Variants in IL7 observed in about 807,000 individuals in gnomAD.
IL7 encodes the protein interleukin-7.
A neutral mutation model predicts 21.6 loss-of-function variants in IL7; 3 were observed. That is an observed-to-expected ratio of 0.14 (90% CI 0.06 to 0.36). The LOEUF (loss-of-function observed/expected upper bound fraction) is 0.36, where lower values mean the gene tolerates loss of function less well. Among genes scored for constraint, IL7 ranks in the 10% least tolerant of loss-of-function variants. IL7 has a pLI of 1.00. For missense variants in IL7, 175 were observed against 200.2 expected (o/e 0.87, Z 0.76); for synonymous variants, 62 against 68.1 (o/e 0.91, Z 0.44).
chr8:78,711,995 T>A, intron 3 of IL7: 1 of 1,289,372 alleles, frequency 7.8e-7, no homozygotes, highest in South Asian at 1.2e-5. Context: ...AATAGTAATA[T>A]GGACAAGTTA....
At chr8:78,779,251 T>C (rs143611100) in intron 2 of IL7, among the ~76,000 whole-genome samples, 2,858 of 152,326 alleles carry the variant, frequency 0.019, 27 homozygotes, top group Middle Eastern at 0.024. Flanking sequence ...CTGATTGCCC[T>C]GGCCAGAACT....
In IL7 at chr8:78,783,799, G is replaced by A. The variant is rs1023299200; in HGVS notation, c.147+14273C>T. Among the ~76,000 whole-genome samples, 3 of 152,162 alleles carry A rather than the reference G, an allele frequency of 2.0e-5. No homozygotes were observed. The South Asian group carries it at 6.2e-4, about 31-fold the overall frequency. The stretch of plus-strand genomic sequence containing the variant: ...GAAGATTCTAGTGAGCTGAAGTGGG[G>A]TGGTAACAGGCAGATCAAAGATAAA... On this transcript the variant is annotated intron_variant, in intron 2 of 5. Transcript: ENST00000263851.
chr8:78,704,806 T>C (rs1177154036), intron 3 of IL7, among the ~76,000 whole-genome samples: 2 of 152,196 alleles, frequency 1.3e-5, no homozygotes, highest in Non-Finnish European at 2.9e-5. Context: ...TTTTCATCCT[T>C]TTTTTCTCTA....
In IL7 at chr8:78,733,389, T is replaced by C. The variant is rs1309461642; in HGVS notation, c.*324A>G. ...TTATATACTTCATAGATTTAATGTC[T>C]TGAAATATTTAAACAGGTTTGAGAA... On this transcript the variant is annotated 3_prime_UTR_variant, in exon 6 of 6. Transcript: ENST00000263851. 1 of 202,824 alleles carries C rather than the reference T, an allele frequency of 4.9e-6. No homozygotes were observed. Among genetic ancestry groups the C allele is most frequent in the Non-Finnish European group, 9.8e-6 (1 of 101,832 alleles). The allele number at this position is 202,824 out of a possible 1,614,324, so 12.6% of individuals were successfully genotyped here. A position where few individuals can be genotyped will look rare whatever the true frequency, so the allele number is the denominator to read the frequency against.
chr8:78,702,197 G>A (rs565618783), intron 3 of IL7, among the ~76,000 whole-genome samples: 2 of 152,146 alleles, frequency 1.3e-5, no homozygotes, highest in East Asian at 1.9e-4. Flanking sequence ...GTTCAGTCTT[G>A]GGAGGGTGTA....
chr8:78,722,440 C>A (rs1229105701), intron 3 of IL7, among the ~76,000 whole-genome samples: 1 of 151,820 alleles, frequency 6.6e-6, no homozygotes, highest in Non-Finnish European at 1.5e-5. Context: ...TTATTTTGCA[C>A]ATTTTAAAAA....
chr8:78,710,151 C>T (rs944425553), intron 3 of IL7, among the ~76,000 whole-genome samples: 8 of 152,056 alleles, frequency 5.3e-5, no homozygotes, highest in African/African-American at 1.9e-4. Context: ...TGTATAAAAT[C>T]TTGATTGTTA....
chr8:78,802,288 C>T (rs1181582693), intron 1 of IL7, among the ~76,000 whole-genome samples: 1 of 152,164 alleles, frequency 6.6e-6, no homozygotes. Context: ...ATGTCCATTG[C>T]ATAGACCTAT....
intron 2 of IL7, among the ~76,000 whole-genome samples, chr8:78,783,234 G>A (rs903367647): frequency 2.6e-5 from 4 of 152,152 alleles, no homozygotes; most frequent in African/African-American, 4.8e-5. Context: ...GGCCCTTTTG[G>A]TGTGGGCTTA....
chr8:78,804,089 T>C (rs1458328869), intron 1 of IL7, among the ~76,000 whole-genome samples: 3 of 152,160 alleles, frequency 2.0e-5, no homozygotes, highest in Middle Eastern at 3.2e-3. Context: ...GTAAGTTTTT[T>C]GGCTCTTTCA....
At chr8:78,796,354 T>C (rs1342763358) in intron 2 of IL7, among the ~76,000 whole-genome samples, 1 of 152,020 alleles carries the variant, frequency 6.6e-6, no homozygotes, top group African/African-American at 2.4e-5. Context: ...GGTATAAGTC[T>C]AATAAAATAT....
At chr8:78,723,092 A>AATAT (rs71264200) in intron 3 of IL7, among the ~76,000 whole-genome samples, 2,793 of 140,452 alleles carry the variant, frequency 0.02, 76 homozygotes, top group African/African-American at 0.059. Context: ...TAGAAGTACA[A>AATAT]ATATATATAT....
chr8:78,693,321 T>G (rs1810280006), intron 3 of IL7, among the ~76,000 whole-genome samples: 1 of 151,276 alleles, frequency 6.6e-6, no homozygotes, highest in South Asian at 2.1e-4. Flanking sequence ...ACTTCCACAA[T>G]GGTTGAACTA....
rs143423397 is a variant in IL7, at chr8:78,695,660, A to C, written n.215-9713T>G. Among the ~76,000 whole-genome samples, 425 of 152,172 alleles carry C rather than the reference A, an allele frequency of 2.8e-3. 1 individual carries two copies. The East Asian group carries it at 0.029, about 10-fold the overall frequency. ...CTAATGTCTGTCTTTCTCTCTCTATATATATATAGTGGCCCAGATGCCCTT... is the reference window on the plus strand; with the variant it reads ...CTAATGTCTGTCTTTCTCTCTCTATCTATATATAGTGGCCCAGATGCCCTT... On this transcript the variant is annotated intron_variant and non_coding_transcript_variant, in intron 3 of 4. Transcript: ENST00000523959.
At chr8:78,754,387 G>C (rs1812277873) in intron 2 of IL7, among the ~76,000 whole-genome samples, 1 of 152,112 alleles carries the variant, frequency 6.6e-6, no homozygotes, top group South Asian at 2.1e-4. Flanking sequence ...AAGGAAATAA[G>C]AGAGGACACA....
intron 2 of IL7, among the ~76,000 whole-genome samples, chr8:78,794,664 C>A (rs1186058024): frequency 2.0e-5 from 3 of 152,008 alleles, no homozygotes; most frequent in Non-Finnish European, 2.9e-5. Context: ...TCTACACAGG[C>A]CAAAATTGCT....
At chr8:78,761,505 C>G (rs565643769) in intron 2 of IL7, 1 of 1,611,750 alleles carries the variant, frequency 6.2e-7, no homozygotes, top group East Asian at 2.2e-5. Context: ...TGAAATTTCA[C>G]AGCCAAAATT....
At chr8:78,683,628 G>T (rs960132442) in intron 4 of IL7, among the ~76,000 whole-genome samples, 2 of 152,090 alleles carry the variant, frequency 1.3e-5, no homozygotes, top group Non-Finnish European at 1.5e-5. Context: ...TGCCCTGAAG[G>T]TCTCTGATGT....
intron 3 of IL7, chr8:78,697,320 C>T (rs1002150908): frequency 3.6e-6 from 4 of 1,097,146 alleles, no homozygotes; most frequent in African/African-American, 3.2e-5. Flanking sequence ...AAATCCTAAA[C>T]CCAAAGAATG....
Sources: gnomAD v4.1 joint callset for allele counts (sites outside exome capture counted in the v4.1 genomes callset) on GRCh38, gnomAD v4.1.1 for gene constraint, MANE v1.5 for transcripts, NCBI Gene and HGNC (gene_info 2026-07-23, HGNC 2026-07-21) for gene names.